Variants in GSDME observed in about 807,000 individuals in gnomAD.
GSDME encodes the protein gasdermin-E.
Under a neutral mutation model 47.5 loss-of-function variants are expected in GSDME, and 44 were observed. The ratio of observed to expected loss-of-function variants is 0.93; its 90% CI spans 0.73 to 1.19. The LOEUF (loss-of-function observed/expected upper bound fraction) is 1.19, where lower values mean the gene tolerates loss of function less well. Ranked by LOEUF, GSDME falls within the 50% of genes most tolerant of loss-of-function variation. The pLI is 0.00. For synonymous variants in GSDME, 258 were observed against 252.8 expected (o/e 1.02, Z -0.20); for missense variants, 663 against 604.2 (o/e 1.10, Z -1.02).
At chr7:24,767,278 T>A in the GSDME span, among the ~76,000 whole-genome samples, 1 of 152,166 alleles carries the variant, frequency 6.6e-6, no homozygotes, top group African/African-American at 2.4e-5. The surrounding 1 kb of genome is among the most constrained non-coding windows in gnomAD (Gnocchi z 5.3). Context: ...GAGCCAAGAT[T>A]GCACCACTGC....
chr7:24,730,556 C>T (rs1337131367), intron 3 of GSDME, among the ~76,000 whole-genome samples: 1 of 152,322 alleles, frequency 6.6e-6, no homozygotes, highest in East Asian at 1.9e-4. Context: ...GTGGCTCACA[C>T]CTGTAATCCC....
the GSDME span, among the ~76,000 whole-genome samples, chr7:24,788,058 G>C: frequency 6.6e-6 from 1 of 152,240 alleles, no homozygotes; most frequent in East Asian, 1.9e-4. This position sits in a 1 kb window ranked among gnomAD's most constrained non-coding sequence, Gnocchi z 4.6. Context: ...AAAATAAATG[G>C]GAGCCAAAAG....
Position 24,736,998 on chromosome 7 carries a change from G to T in GSDME, c.404+7564C>A, listed in dbSNP as rs750710265. On this transcript the variant is annotated intron_variant, in intron 3 of 9. Transcript: ENST00000645220. This position sits in a 1 kb window ranked among gnomAD's most constrained non-coding sequence, Gnocchi z 4.6. Reference sequence around the variant, plus strand: ...GAAACACAACAGCAAAACCTATGGGGTACATCAAAAGCAGTACTAAGAGGA... The same window carrying T: ...GAAACACAACAGCAAAACCTATGGGTTACATCAAAAGCAGTACTAAGAGGA... Among the ~76,000 whole-genome samples, 6 of 151,966 alleles carry T rather than the reference G, an allele frequency of 3.9e-5. No individual in the cohort carries two copies. The highest frequency in any genetic ancestry group is 7.4e-5 in the Non-Finnish European group (5 of 67,960).
chr7:24,739,166 A>G lies in GSDME; in HGVS notation c.404+5396T>C, dbSNP rs1368886763. On this transcript the variant is annotated intron_variant, in intron 3 of 9. Transcript: ENST00000645220. The surrounding 1 kb of genome is among the most constrained non-coding windows in gnomAD (Gnocchi z 5.1). ...TCAAGTTAAAGACTTCTGCACAGCA[A>G]TGAAACAACAAAATGAAGAGACAAC... Among the ~76,000 whole-genome samples the G allele has an allele frequency of 2.6e-5, 4 of 152,228 alleles. No individual in the cohort carries two copies. Among genetic ancestry groups the G allele is most frequent in the Non-Finnish European group, 5.9e-5 (4 of 68,040 alleles).
the GSDME span, among the ~76,000 whole-genome samples, chr7:24,775,262 C>G: frequency 6.6e-6 from 1 of 152,170 alleles, no homozygotes; most frequent in Non-Finnish European, 1.5e-5. Flanking sequence ...CTTAGTAACT[C>G]AGGAAACAGG....
At chr7:24,773,627 A>G in the GSDME span, among the ~76,000 whole-genome samples, 1 of 152,242 alleles carries the variant, frequency 6.6e-6, no homozygotes. The surrounding 1 kb of genome is among the most constrained non-coding windows in gnomAD (Gnocchi z 5.4). Context: ...ACTTGTCAGT[A>G]TAGCTCCCTC....
At position 24,757,459 on chromosome 7, in the gene GSDME, T is replaced by C. The variant is rs1791073380; in HGVS notation, c.-83A>G. On this transcript the variant is annotated 5_prime_UTR_variant, in exon 1 of 10. Transcript: ENST00000645220. This position sits in a 1 kb window ranked among gnomAD's most constrained non-coding sequence, Gnocchi z 5.9. ...CTGCGCTGGCGGAGTCGGAGGAGCC[T>C]GCGCTGGGCCGGCGGGGGGCGGGCG... 1 of 151,610 alleles carries C rather than the reference T, an allele frequency of 6.6e-6. No homozygotes were observed. Among genetic ancestry groups the C allele is most frequent in the Non-Finnish European group, 1.5e-5 (1 of 67,866 alleles). The allele number at this position is 151,610 out of a possible 1,614,324, so 9.4% of individuals were successfully genotyped here. A position where few individuals can be genotyped will look rare whatever the true frequency, so the allele number is the denominator to read the frequency against.
chr7:24,741,559 T>C (rs1397338588), intron 3 of GSDME, among the ~76,000 whole-genome samples: 1 of 152,172 alleles, frequency 6.6e-6, no homozygotes, highest in Non-Finnish European at 1.5e-5. Context: ...GTTTTTGATA[T>C]GTGCACACAT....
Position 24,712,030 on chromosome 7 carries a change from GCCC to G in GSDME, c.698-1645_698-1643del, listed in dbSNP as rs1274597925. ...GGCTATGGAATAAAAATGTGGCAGG[GCCC>G]CGTATTTGCTGAAATGTAGAAGGCA... On this transcript the variant is annotated intron_variant, in intron 5 of 9. Transcript: ENST00000645220. The surrounding 1 kb of genome is among the most constrained non-coding windows in gnomAD (Gnocchi z 4.4). 6.6e-6 allele frequency among the ~76,000 whole-genome samples: 1 copy of G among 152,146 alleles called. No homozygotes were observed. Among genetic ancestry groups the G allele is most frequent in the African/African-American group, 2.4e-5 (1 of 41,430 alleles).
chr7:24,758,696 T>C (rs1584117983), upstream of GSDME, among the ~76,000 whole-genome samples: 1 of 152,338 alleles, frequency 6.6e-6, no homozygotes, highest in East Asian at 1.9e-4. The surrounding 1 kb of genome is among the most constrained non-coding windows in gnomAD (Gnocchi z 4.6). Flanking sequence ...CACCTCACTG[T>C]AAAGCCTTTC....
At position 24,702,768 on chromosome 7, in the gene GSDME, A is replaced by C. The variant is rs575590411; in HGVS notation, c.1249T>G (p.Cys417Gly). The C allele has an allele frequency of 3.5e-5, 56 of 1,613,362 alleles. No individual in the cohort carries two copies. The South Asian group carries it at 6.0e-4, about 17-fold the overall frequency. The change falls in exon 9 of 10, where the codon TGC becomes GGC. Residue 417 changes from cysteine (C) to glycine (G), a missense_variant. Transcript: ENST00000645220. The stretch of plus-strand genomic sequence containing the variant: ...CCTGGGAGGTTGCTTACCAAGTGGC[A>C]CAGTGTGGGAATGATCTGGAGTTTG... ...CCKLQIIPTL[C>G]HLLRALSDDG... is the part of the protein sequence containing the mutation.
At chr7:24,766,506 A>G in the GSDME span, among the ~76,000 whole-genome samples, 1 of 151,546 alleles carries the variant, frequency 6.6e-6, no homozygotes, top group African/African-American at 2.4e-5. This position sits in a 1 kb window ranked among gnomAD's most constrained non-coding sequence, Gnocchi z 4.2. Flanking sequence ...CCCTGTGTCC[A>G]TGTGTTCTCA....
rs545466818 is a variant in GSDME at position 24,726,285 on chromosome 7, A to G, written c.405-7067T>C. ...AGAGACAACTTTTAAAAGTCTGACA[A>G]TATCCAAAAGGAGGGAAGCAGGTTT... On this transcript the variant is annotated intron_variant, in intron 3 of 9. Coordinates refer to ENST00000645220, the MANE Select transcript of GSDME (RefSeq NM_001127453.2). This position sits in a 1 kb window ranked among gnomAD's most constrained non-coding sequence, Gnocchi z 5.6. Among the ~76,000 whole-genome samples the G allele has an allele frequency of 1.6e-4, 25 of 152,342 alleles. No homozygotes were observed. The highest frequency in any genetic ancestry group is 1.3e-3 in the East Asian group (7 of 5,186).
rs1246248926 is a variant in GSDME at position 24,714,866 on chromosome 7, G to A, written c.697+2388C>T. Among the ~76,000 whole-genome samples, 1 of 152,190 alleles carries A rather than the reference G, an allele frequency of 6.6e-6. No individual in the cohort carries two copies. The highest frequency in any genetic ancestry group is 1.5e-5 in the Non-Finnish European group (1 of 68,032). The stretch of plus-strand genomic sequence containing the variant: ...TCCCCGCCACCGAAGGGTCCGCAGA[G>A]CACTCCTGGGCATCCTCAGGTGCAT... On this transcript the variant is annotated intron_variant, in intron 5 of 9. Transcript: ENST00000645220. The surrounding 1 kb of genome is among the most constrained non-coding windows in gnomAD (Gnocchi z 5.0).
At chr7:24,795,328 T>A in the GSDME span, among the ~76,000 whole-genome samples, 1 of 152,112 alleles carries the variant, frequency 6.6e-6, no homozygotes, top group Non-Finnish European at 1.5e-5. Flanking sequence ...ATCACCTCGC[T>A]TCCAGGTCAG....
chr7:24,787,938 C>A, the GSDME span, among the ~76,000 whole-genome samples: 2 of 152,164 alleles, frequency 1.3e-5, no homozygotes, highest in Non-Finnish European at 2.9e-5. This position sits in a 1 kb window ranked among gnomAD's most constrained non-coding sequence, Gnocchi z 5.0. Context: ...AACTCTTGGC[C>A]TTGTGACCTG....
intron 2 of GSDME, among the ~76,000 whole-genome samples, chr7:24,747,422 C>G (rs1411930039): frequency 6.6e-6 from 1 of 152,126 alleles, no homozygotes; most frequent in Non-Finnish European, 1.5e-5. Flanking sequence ...GACGCAATCA[C>G]AAAATTAGAG....
chr7:24,756,662 G>A lies in GSDME; in HGVS notation c.-20+734C>T, dbSNP rs947557998. Among the ~76,000 whole-genome samples, 2 of 152,160 alleles carry A rather than the reference G, an allele frequency of 1.3e-5. No homozygotes were observed. ...TAGACTCTGGAGGAGTGGGTGGTCG[G>A]TGTGTTCAGTCCACAACCAGCGCTT... On this transcript the variant is annotated intron_variant, in intron 1 of 9. Coordinates refer to ENST00000645220, the MANE Select transcript of GSDME (RefSeq NM_001127453.2). The surrounding 1 kb of genome is among the most constrained non-coding windows in gnomAD (Gnocchi z 4.2).
chr7:24,716,956 G>A lies in GSDME; in HGVS notation c.697+298C>T. On this transcript the variant is annotated intron_variant, in intron 5 of 9. Transcript: ENST00000645220. The surrounding 1 kb of genome is among the most constrained non-coding windows in gnomAD (Gnocchi z 4.5). ...TGATGCCCAGTGTGTCTGATGCAGA[G>A]CCCAGGTTGATGCCCAGAGGACACA... The A allele has an allele frequency of 2.3e-6, 1 of 432,960 alleles. No individual in the cohort carries two copies. The highest frequency in any genetic ancestry group is 4.4e-6 in the Non-Finnish European group (1 of 229,722). The allele number at this position is 432,960 out of a possible 1,614,324, so 26.8% of individuals were successfully genotyped here.
Sources: allele counts gnomAD v4.1 joint callset (sites outside exome capture counted in the v4.1 genomes callset), GRCh38; gene constraint gnomAD v4.1.1; non-coding constraint Gnocchi (gnomAD v3.1); transcripts MANE v1.5; gene names NCBI Gene and HGNC (gene_info 2026-07-23, HGNC 2026-07-21).